Variants in TIMP2 observed in about 807,000 individuals in gnomAD.
TIMP2 encodes TIMP metallopeptidase inhibitor 2.
Under a neutral mutation model 24.3 loss-of-function variants are expected in TIMP2, and 5 were observed. That is an observed-to-expected ratio of 0.21 (90% confidence interval 0.11 to 0.43). The LOEUF is 0.43. Ranked by LOEUF, TIMP2 falls within the 20% of genes least tolerant of loss-of-function variation. The pLI is 1.00. For missense variants in TIMP2, 221 were observed against 297.5 expected, an observed-to-expected ratio of 0.74 and a Z score of 1.89; for synonymous variants, 130 against 123.2, an observed-to-expected ratio of 1.06 and a Z score of -0.37.
At chr17:78,869,922 G>C (rs1218812488) in intron 3 of TIMP2, among the ~76,000 whole-genome samples, 1 of 152,264 alleles carries the variant, frequency 6.6e-6, no homozygotes, top group Non-Finnish European at 1.5e-5. Flanking sequence ...AAACACTGCA[G>C]GGTTCCACCC....
chr17:78,901,193 G>A (rs369117525), intron 1 of TIMP2: 1 of 153,996 alleles, frequency 6.5e-6, no homozygotes, highest in African/African-American at 2.4e-5. Flanking sequence ...TGGATTCCAC[G>A]CACGAGGAAC....
At chr17:78,882,876 G>A (rs2145761749) in intron 1 of TIMP2, among the ~76,000 whole-genome samples, 1 of 152,382 alleles carries the variant, frequency 6.6e-6, no homozygotes, top group Admixed American at 6.5e-5. Context: ...GGCCTCAAGT[G>A]ACACAGCCGG....
At chr17:78,901,238 A>G (rs893756889) in intron 1 of TIMP2, 1 of 154,734 alleles carries the variant, frequency 6.5e-6, no homozygotes, top group Non-Finnish European at 1.4e-5. Flanking sequence ...GATGGTCAAC[A>G]GCTACGAAGT....
rs201845164 is a variant in TIMP2, at chr17:78,855,711, C to T, written c.619G>A (p.Ala207Thr). The part of the protein sequence containing the change: ...SDGSCAWYRG[A>T]APPKQEFLDI... The stretch of plus-strand genomic sequence containing the variant: ...AGAAACTCCTGCTTGGGGGGCGCCG[C>T]GCCGCGGTACCACGCACAGGAGCCG... The change falls in exon 5 of 5, where the codon GCG becomes ACG. Residue 207 changes from alanine to threonine, a missense_variant. By Grantham distance (58) the Ala-to-Thr change is moderately conservative (BLOSUM62 0). Transcript: ENST00000262768. The surrounding 1 kb of genome is among the most constrained non-coding windows in gnomAD (Gnocchi z 6.0). 3.5e-5 allele frequency: 57 copies of T among 1,614,122 alleles called. No individual in the cohort carries two copies. In the Admixed American group the frequency reaches 4.0e-4, roughly 11 times the overall value.
chr17:78,893,557 CTG>C (rs1351382680), intron 1 of TIMP2, among the ~76,000 whole-genome samples: 1 of 150,998 alleles, frequency 6.6e-6, no homozygotes, highest in Non-Finnish European at 1.5e-5. Flanking sequence ...GCCTGCACAT[CTG>C]TGTGTACAGG....
intron 3 of TIMP2, among the ~76,000 whole-genome samples, chr17:78,863,063 T>C (rs2069580188): frequency 6.6e-6 from 1 of 152,230 alleles, no homozygotes. Flanking sequence ...CCTTTGGGTA[T>C]ACACCCAGCA....
intron 1 of TIMP2, chr17:78,898,001 T>A (rs2070030149): frequency 1.3e-5 from 2 of 152,218 alleles, no homozygotes; most frequent in Admixed American, 6.5e-5. Flanking sequence ...CACCATCGGA[T>A]GCAACCTTGT....
rs932112365 is a variant in TIMP2 at position 78,913,873 on chromosome 17, C to T, written c.130+11086G>A. On this transcript the variant is annotated intron_variant, in intron 1 of 4. Transcript: ENST00000262768. ...CACCACTGCACTCCAGCCTGGGCCA[C>T]GGAGCGAAACTCTGTCTCGGGGAAA... Among the ~76,000 whole-genome samples, 5 of 123,858 alleles carry T rather than the reference C, an allele frequency of 4.0e-5. No homozygotes were observed. In the South Asian group the frequency reaches 1.0e-3, roughly 25 times the overall value. The allele number at this position is 123,858 out of a possible 152,430, so 81.3% of individuals were successfully genotyped here.
intron 1 of TIMP2, chr17:78,874,156 C>T (rs2069709552): frequency 2.0e-6 from 1 of 490,430 alleles, no homozygotes; most frequent in Non-Finnish European, 3.6e-6. Flanking sequence ...ACAAGAATCC[C>T]TTCTTTGTTG....
intron 1 of TIMP2, among the ~76,000 whole-genome samples, chr17:78,918,215 A>G (rs1208609246): frequency 6.6e-6 from 1 of 152,084 alleles, no homozygotes; most frequent in African/African-American, 2.4e-5. Flanking sequence ...CTGTTCCTCA[A>G]TTTGCTTCTT....
At chr17:78,881,021 G>C (rs960312631) in intron 1 of TIMP2, among the ~76,000 whole-genome samples, 4 of 152,222 alleles carry the variant, frequency 2.6e-5, no homozygotes, top group Non-Finnish European at 5.9e-5. Context: ...GTGGCCCACT[G>C]TCCCTCAAAG....
At chr17:78,918,399 C>T (rs1480482907) in intron 1 of TIMP2, among the ~76,000 whole-genome samples, 1 of 152,150 alleles carries the variant, frequency 6.6e-6, no homozygotes, top group Admixed American at 6.5e-5. Flanking sequence ...CCAGCAAATG[C>T]ACGAGGGCAC....
At chr17:78,861,035 C>CAA (rs33915258) in intron 3 of TIMP2, among the ~76,000 whole-genome samples, 113,062 of 141,670 alleles carry the variant, frequency 0.8, 45,334 homozygotes, top group East Asian at 0.85. Context: ...GACTCCGTCT[C>CAA]AAAAAAAAAA....
chr17:78,914,202 T>C (rs1030289282), intron 1 of TIMP2, among the ~76,000 whole-genome samples: 2 of 152,150 alleles, frequency 1.3e-5, no homozygotes, highest in African/African-American at 2.4e-5. Flanking sequence ...TAACCCAATG[T>C]TTTATTGCTT....
chr17:78,915,802 G>T (rs538590617), intron 1 of TIMP2, among the ~76,000 whole-genome samples: 1 of 152,316 alleles, frequency 6.6e-6, no homozygotes, highest in South Asian at 2.1e-4. Context: ...TTCCAGGCAT[G>T]ATTCCACCGT....
chr17:78,864,074 C>T (rs1007964982), intron 3 of TIMP2, among the ~76,000 whole-genome samples: 10 of 152,088 alleles, frequency 6.6e-5, no homozygotes, highest in East Asian at 1.9e-4. Flanking sequence ...GACACTTAGT[C>T]GTTATCTTTT....
chr17:78,923,930 C>T (rs577012346), intron 1 of TIMP2, among the ~76,000 whole-genome samples: 1 of 152,176 alleles, frequency 6.6e-6, no homozygotes. Flanking sequence ...CTGCCCTGGA[C>T]AGGTCACTCG....
chr17:78,864,380 C>A (rs2069591904), intron 3 of TIMP2, among the ~76,000 whole-genome samples: 1 of 144,386 alleles, frequency 6.9e-6, no homozygotes, highest in South Asian at 2.4e-4. Context: ...CCTCCCCCTT[C>A]CTCCCTCCCT....
chr17:78,902,484 GC>G (rs1403136171), intron 1 of TIMP2, among the ~76,000 whole-genome samples: 1 of 152,168 alleles, frequency 6.6e-6, no homozygotes, highest in Non-Finnish European at 1.5e-5. Context: ...TCCTGGCTAG[GC>G]CCACAGCAGG....
Sources: gnomAD v4.1 joint callset for allele counts (sites outside exome capture counted in the v4.1 genomes callset) on GRCh38, gnomAD v4.1.1 for gene constraint, Gnocchi (gnomAD v3.1) non-coding constraint, MANE v1.5 for transcripts, NCBI Gene and HGNC (gene_info 2026-07-23, HGNC 2026-07-21) for gene names.